Variants in DUSP14 observed in about 807,000 individuals in gnomAD.
DUSP14 encodes dual specificity protein phosphatase 14.
Under a neutral mutation model 13.2 loss-of-function variants are expected in DUSP14, and 5 were observed. That is an observed-to-expected ratio of 0.38 (90% CI 0.20 to 0.80). The LOEUF (loss-of-function observed/expected upper bound fraction) is 0.80. DUSP14 is among the 30% of genes least tolerant of loss of function. DUSP14 has a pLI of 0.44. For missense variants in DUSP14, 185 were observed against 264.0 expected, an observed-to-expected ratio of 0.70 and a Z score of 2.07; for synonymous variants, 91 against 103.4, an observed-to-expected ratio of 0.88 and a Z score of 0.73.
chr17:37,501,450 G>A (rs1041914530), intron 1 of DUSP14, among the ~76,000 whole-genome samples: 3 of 152,110 alleles, frequency 2.0e-5, no homozygotes, highest in African/African-American at 7.2e-5. Flanking sequence ...TTGCTAAATG[G>A]TGAGGGCTGT....
chr17:37,495,936 G>A (rs1170522082), intron 1 of DUSP14, among the ~76,000 whole-genome samples: 2 of 152,144 alleles, frequency 1.3e-5, no homozygotes, highest in African/African-American at 4.8e-5. Flanking sequence ...GGGATTACAG[G>A]CATGAGCCAC....
intron 1 of DUSP14, among the ~76,000 whole-genome samples, chr17:37,508,788 C>CTT (rs71135733): frequency 4.1e-4 from 59 of 144,466 alleles, no homozygotes; most frequent in East Asian, 2.2e-3. Flanking sequence ...TATTTATAAA[C>CTT]TTTTTTTTTC....
At chr17:37,500,439 T>C (rs191316067) in intron 1 of DUSP14, among the ~76,000 whole-genome samples, 24 of 152,360 alleles carry the variant, frequency 1.6e-4, no homozygotes, top group African/African-American at 5.8e-4. Flanking sequence ...CTTAAAGTAG[T>C]AATGAGCTTG....
intron 1 of DUSP14, among the ~76,000 whole-genome samples, chr17:37,491,904 T>G (rs2054030952): frequency 6.6e-6 from 1 of 152,228 alleles, no homozygotes; most frequent in Non-Finnish European, 1.5e-5. Flanking sequence ...TTTGAACCTC[T>G]TCCTCAAAAG....
At chr17:37,510,541 C>G (rs555877465) in intron 1 of DUSP14, 136 bp from the exon 2 acceptor site, 1 of 152,316 alleles carries the variant, frequency 6.6e-6, no homozygotes, top group South Asian at 2.1e-4. Flanking sequence ...CCTTTAAATG[C>G]ACACCTGCGA....
At chr17:37,511,935 C>A (rs1392946007) in intron 2 of DUSP14, among the ~76,000 whole-genome samples, 2 of 19,086 alleles carry the variant, frequency 1.0e-4, no homozygotes, top group African/African-American at 4.8e-4. Flanking sequence ...CCCCCCCACC[C>A]CACTTTTTTT....
At chr17:37,495,869 A>G (rs1191070790) in intron 1 of DUSP14, among the ~76,000 whole-genome samples, 1 of 152,128 alleles carries the variant, frequency 6.6e-6, no homozygotes, top group Non-Finnish European at 1.5e-5. Flanking sequence ...CATGTTGGTC[A>G]GGCTGGTCTC....
At position 37,498,314 on chromosome 17, in the gene DUSP14, C is replaced by CTTTTTTTTT. The variant is rs765033929; in HGVS notation, c.-181+8378_-181+8386dup. ...ACTTGTTTTGTGTACTAGATTGTAT[C>CTTTTTTTTT]TTTTTTTTTTTTTTTTTTTTTTTTT... On this transcript the variant is annotated intron_variant, in intron 1 of 2. Coordinates refer to ENST00000617516, the MANE Select transcript of DUSP14 (RefSeq NM_007026.4). 5.2e-4 allele frequency among the ~76,000 whole-genome samples: 37 copies of CTTTTTTTTT among 70,578 alleles called. 2 individuals are homozygous for CTTTTTTTTT. Among genetic ancestry groups the CTTTTTTTTT allele is most frequent in the African/African-American group, 2.2e-3 (37 of 16,952 alleles). The allele number at this position is 70,578 out of a possible 152,430, so 46.3% of individuals were successfully genotyped here.
chr17:37,509,546 T>A (rs1344577680), intron 1 of DUSP14, among the ~76,000 whole-genome samples: 2 of 151,758 alleles, frequency 1.3e-5, no homozygotes, highest in African/African-American at 4.8e-5. Context: ...GGTCTCGAAC[T>A]CCTGGCCTCA....
intron 1 of DUSP14, among the ~76,000 whole-genome samples, chr17:37,498,676 G>GT (rs58904773): frequency 0.4 from 57,798 of 145,496 alleles, 11,636 homozygotes; most frequent in East Asian, 0.79. Context: ...AAAGTAATCA[G>GT]TTTTTTTTTT....
At chr17:37,503,764 T>C (rs2054120166) in intron 1 of DUSP14, among the ~76,000 whole-genome samples, 1 of 152,246 alleles carries the variant, frequency 6.6e-6, no homozygotes, top group Non-Finnish European at 1.5e-5. Flanking sequence ...AATCTGTGAA[T>C]TGATCACGTG....
chr17:37,509,277 A>G (rs759278127), intron 1 of DUSP14, among the ~76,000 whole-genome samples: 26,360 of 54,226 alleles, frequency 0.49, 5,676 homozygotes, highest in East Asian at 0.65. Context: ...ATATATATAT[A>G]TATATATATA....
intron 1 of DUSP14, among the ~76,000 whole-genome samples, chr17:37,509,274 TA>T (rs1568204714): frequency 2.8e-4 from 10 of 36,100 alleles, no homozygotes; most frequent in African/African-American, 8.4e-4. Flanking sequence ...TATATATATA[TA>T]TATATATATA....
At chr17:37,509,104 C>CATATATATATATATGTGTGTGT (rs1270927245) in intron 1 of DUSP14, among the ~76,000 whole-genome samples, 2 of 36,050 alleles carry the variant, frequency 5.5e-5, no homozygotes, top group African/African-American at 1.9e-4. Flanking sequence ...AAAAAAAACC[C>CATATATATATATATGTGTGTGT]ATATATATAT....
intron 1 of DUSP14, among the ~76,000 whole-genome samples, chr17:37,493,346 G>T (rs1324529755): frequency 6.6e-6 from 1 of 152,118 alleles, no homozygotes; most frequent in East Asian, 1.9e-4. Context: ...CTGGTCTGGG[G>T]CAATTATGAA....
chr17:37,502,072 T>C (rs562703378), intron 1 of DUSP14, among the ~76,000 whole-genome samples: 90 of 152,312 alleles, frequency 5.9e-4, no homozygotes, highest in African/African-American at 2.1e-3. Flanking sequence ...TTATGCCTTA[T>C]GTTACCTGTA....
At position 37,490,590 on chromosome 17, in the gene DUSP14, T is replaced by A. The variant is rs572680038; in HGVS notation, c.-181+632T>A. On this transcript the variant is annotated intron_variant, in intron 1 of 2. Transcript: ENST00000617516. ...GCCTTAAGTGGATTGTATAACTGTATTTTATTTAGGTGGATGTTGCCAGTG... is the reference window on the plus strand; with the variant it reads ...GCCTTAAGTGGATTGTATAACTGTAATTTATTTAGGTGGATGTTGCCAGTG... 3.9e-5 allele frequency among the ~76,000 whole-genome samples: 6 copies of A among 152,300 alleles called. No homozygotes were observed. The South Asian group carries it at 1.2e-3, about 32-fold the overall frequency.
Position 37,512,968 on chromosome 17 carries a change from TCTCC to T in DUSP14, c.*103_*106del. On this transcript the variant is annotated 3_prime_UTR_variant, in exon 3 of 3. Coordinates refer to ENST00000617516, the MANE Select transcript of DUSP14 (RefSeq NM_007026.4). The surrounding 1 kb of genome is among the most constrained non-coding windows in gnomAD (Gnocchi z 4.8). ...TCTTCTCAAATGGCTGACTTCTGGT[TCTCC>T]CTCAAGTGTTTTTTACACTGGGTGT... 1 of 1,060,034 alleles carries T rather than the reference TCTCC, an allele frequency of 9.4e-7. No individual in the cohort carries two copies. The highest frequency in any genetic ancestry group is 1.6e-5 in the South Asian group (1 of 62,922). The allele number at this position is 1,060,034 out of a possible 1,614,324, so 65.7% of individuals were successfully genotyped here.
chr17:37,498,454 G>A (rs2054081663), intron 1 of DUSP14, among the ~76,000 whole-genome samples: 1 of 150,294 alleles, frequency 6.7e-6, no homozygotes, highest in African/African-American at 2.4e-5. Flanking sequence ...AGCCTCCCCA[G>A]TAGCTGGGAC....
Sources: allele counts gnomAD v4.1 joint callset (sites outside exome capture counted in the v4.1 genomes callset), GRCh38; gene constraint gnomAD v4.1.1; non-coding constraint Gnocchi (gnomAD v3.1); transcripts MANE v1.5; gene names NCBI Gene and HGNC (gene_info 2026-07-23, HGNC 2026-07-21).